Variants in PARD3B observed in about 807,000 individuals in gnomAD.
PARD3B encodes partitioning defective 3 homolog B.
PARD3B carries 103 observed loss-of-function variants against 130.2 expected under a neutral mutation model. The ratio of observed to expected loss-of-function variants is 0.79; its 90% CI spans 0.67 to 0.93. The LOEUF (loss-of-function observed/expected upper bound fraction) is 0.93. Among genes scored for constraint, PARD3B ranks in the 40% least tolerant of loss-of-function variants. PARD3B has a pLI of 0.00. For missense variants in PARD3B, 1,609 were observed against 1,499.2 expected (o/e 1.07, Z -1.21); for synonymous variants, 583 against 553.2 (o/e 1.05, Z -0.76).
chr2:204,945,887 T>C (rs1689282638), intron 2 of PARD3B, among the ~76,000 whole-genome samples: 1 of 140,750 alleles, frequency 7.1e-6, no homozygotes, highest in African/African-American at 2.7e-5. Context: ...ATCCTGCTAG[T>C]TGGTTGGCTT....
At chr2:204,648,103 G>A (rs1372632202) in intron 1 of PARD3B, among the ~76,000 whole-genome samples, 1 of 151,574 alleles carries the variant, frequency 6.6e-6, no homozygotes, top group African/African-American at 2.4e-5. Flanking sequence ...TATTTTTGAG[G>A]TTATGCAAGT....
chr2:205,555,612 C>T (rs1047499243), intron 22 of PARD3B, among the ~76,000 whole-genome samples: 6 of 152,048 alleles, frequency 3.9e-5, no homozygotes, highest in African/African-American at 1.5e-4. Flanking sequence ...GACAAAATCC[C>T]GCCAGCCCCA....
Position 205,404,647 on chromosome 2 carries a change from T to C in PARD3B, c.2741+3524T>C, listed in dbSNP as rs74576705. Among the ~76,000 whole-genome samples, 360 of 152,294 alleles carry C rather than the reference T, an allele frequency of 2.4e-3. 5 individuals carry two copies. The highest frequency in any genetic ancestry group is 8.0e-3 in the African/African-American group (334 of 41,566). ...TATTTACCTTCCATTGTCAAACATT[T>C]AGTCTGTTCCCATTTTTATCCCTTT... On this transcript the variant is annotated intron_variant, in intron 19 of 22. Coordinates refer to ENST00000406610, the MANE Select transcript of PARD3B (RefSeq NM_001302769.2).
chr2:205,252,171 G>T (rs979149452), intron 16 of PARD3B, among the ~76,000 whole-genome samples: 2 of 152,080 alleles, frequency 1.3e-5, no homozygotes, highest in African/African-American at 4.8e-5. Flanking sequence ...ATATGGAGCA[G>T]GTGTATGCAT....
chr2:205,610,812 C>T (rs1285580623), intron 22 of PARD3B, among the ~76,000 whole-genome samples: 2 of 152,180 alleles, frequency 1.3e-5, no homozygotes, highest in African/African-American at 2.4e-5. Flanking sequence ...ATCAGTCTCA[C>T]CTCAACCACC....
intron 2 of PARD3B, among the ~76,000 whole-genome samples, chr2:204,922,992 T>C (rs1376031644): frequency 6.6e-6 from 1 of 152,138 alleles, no homozygotes; most frequent in African/African-American, 2.4e-5. Context: ...CTCCATTTAT[T>C]GCTAGATCTC....
intron 14 of PARD3B, among the ~76,000 whole-genome samples, chr2:205,188,077 A>C (rs2036196371): frequency 6.6e-6 from 1 of 152,234 alleles, no homozygotes; most frequent in African/African-American, 2.4e-5. Flanking sequence ...ACACGCAGAT[A>C]ATTAGGATGC....
At chr2:205,613,243 G>A (rs1212769128) in intron 22 of PARD3B, among the ~76,000 whole-genome samples, 2 of 152,178 alleles carry the variant, frequency 1.3e-5, no homozygotes, top group Non-Finnish European at 2.9e-5. Context: ...AAATGTCAGT[G>A]ATTTATCCTA....
Position 205,404,526 on chromosome 2 carries a change from C to G in PARD3B, c.2741+3403C>G, listed in dbSNP as rs1011251265. Among the ~76,000 whole-genome samples the G allele has an allele frequency of 2.6e-5, 4 of 152,108 alleles. No individual in the cohort carries two copies. In the East Asian group the frequency reaches 5.8e-4, roughly 22 times the overall value. ...CTATAACATCTTGCTTTTTTCATAG[C>G]ATTATATGTTGAACATTTTTCCCAT... On this transcript the variant is annotated intron_variant, in intron 19 of 22. Transcript: ENST00000406610.
At chr2:204,553,483 G>A (rs2125045027) in intron 1 of PARD3B, among the ~76,000 whole-genome samples, 1 of 150,714 alleles carries the variant, frequency 6.6e-6, no homozygotes, top group South Asian at 2.1e-4. Flanking sequence ...AACTGCAAAA[G>A]CGTGGAACCA....
chr2:205,344,201 TGTGTG>T (rs1559683554), intron 18 of PARD3B, among the ~76,000 whole-genome samples: 68 of 151,452 alleles, frequency 4.5e-4, no homozygotes, highest in Admixed American at 3.1e-3. Flanking sequence ...GGTTTGTGTG[TGTGTG>T]TGTGTGTGTG....
intron 16 of PARD3B, among the ~76,000 whole-genome samples, chr2:205,279,116 C>G (rs2041089912): frequency 6.8e-6 from 1 of 146,290 alleles, no homozygotes; most frequent in Non-Finnish European, 1.5e-5. Context: ...ATTGCCCAAT[C>G]TCTTTAATTA....
At chr2:205,608,522 G>A (rs1012642420) in intron 22 of PARD3B, among the ~76,000 whole-genome samples, 16 of 152,042 alleles carry the variant, frequency 1.1e-4, no homozygotes, top group African/African-American at 3.4e-4. Flanking sequence ...TTTTGTGGCC[G>A]CGCAGGATAG....
rs33968644 is a variant in PARD3B at position 205,356,890 on chromosome 2, C to CA, written c.2631-44107dup. 9.7e-3 allele frequency among the ~76,000 whole-genome samples: 1,268 copies of CA among 131,302 alleles called. 23 individuals carry two copies. Among genetic ancestry groups the CA allele is most frequent in the Middle Eastern group, 0.024 (6 of 250 alleles). 86.1% of individuals were successfully genotyped at this position (131,302 alleles called of 152,430 possible). A position where few individuals can be genotyped will look rare whatever the true frequency, so the allele number is the denominator to read the frequency against. ...TGGGCATCACAGCAAGACTCTGTCT[C>CA]AAAAAAAAAAAAAAAATAGAAGACA... On this transcript the variant is annotated intron_variant, in intron 18 of 22. Coordinates refer to ENST00000406610, the MANE Select transcript of PARD3B (RefSeq NM_001302769.2).
At chr2:205,412,511 G>A (rs1466111640) in intron 19 of PARD3B, among the ~76,000 whole-genome samples, 1 of 152,204 alleles carries the variant, frequency 6.6e-6, no homozygotes, top group Non-Finnish European at 1.5e-5. Flanking sequence ...GGAGATGAAT[G>A]AATCAGTGAT....
At chr2:205,329,925 C>T (rs1331866608) in intron 18 of PARD3B, among the ~76,000 whole-genome samples, 2 of 149,706 alleles carry the variant, frequency 1.3e-5, no homozygotes, top group Non-Finnish European at 3.0e-5. Context: ...ACTAGTGGGG[C>T]GGAGGTTGCA....
At chr2:205,587,010 C>CA (rs1279955261) in intron 22 of PARD3B, among the ~76,000 whole-genome samples, 1 of 152,158 alleles carries the variant, frequency 6.6e-6, no homozygotes, top group Non-Finnish European at 1.5e-5. Context: ...AAAGAGTCTC[C>CA]ATGCCAACAC....
At chr2:205,387,370 A>G (rs1327525563) in intron 18 of PARD3B, among the ~76,000 whole-genome samples, 1 of 152,054 alleles carries the variant, frequency 6.6e-6, no homozygotes, top group African/African-American at 2.4e-5. Flanking sequence ...TTCCTTACCA[A>G]ATTGTTCATT....
intron 4 of PARD3B, among the ~76,000 whole-genome samples, chr2:205,057,064 A>G (rs1206889007): frequency 6.6e-6 from 1 of 151,718 alleles, no homozygotes; most frequent in East Asian, 1.9e-4. Flanking sequence ...TTATTTGCAT[A>G]GTCTCATAAA....
Sources: allele counts gnomAD v4.1 joint callset (sites outside exome capture counted in the v4.1 genomes callset), GRCh38; gene constraint gnomAD v4.1.1; transcripts MANE v1.5; gene names NCBI Gene and HGNC (gene_info 2026-07-23, HGNC 2026-07-21).